DOCK4: variants seen among roughly 807,000 people sequenced by gnomAD.
The protein encoded by DOCK4 is dedicator of cytokinesis 4.
Under a neutral mutation model 268.1 loss-of-function variants are expected in DOCK4, and 97 were observed. That is an observed-to-expected ratio of 0.36 (90% CI 0.31 to 0.43). DOCK4 has a LOEUF of 0.43. Ranked by LOEUF, DOCK4 falls within the 20% of genes least tolerant of loss-of-function variation. The pLI, the probability that DOCK4 is intolerant of heterozygous loss-of-function variation, is 1.00. For synonymous variants in DOCK4, 954 were observed against 887.2 expected (o/e 1.08, Z -1.34); for missense variants, 2,145 against 2,455.7 (o/e 0.87, Z 2.67).
At chr7:112,104,697 G>T (rs993876253) in intron 1 of DOCK4, among the ~76,000 whole-genome samples, 1 of 152,106 alleles carries the variant, frequency 6.6e-6, no homozygotes, top group African/African-American at 2.4e-5. Context: ...TTAAATTTGT[G>T]CTAAGAAATA....
intron 1 of DOCK4, among the ~76,000 whole-genome samples, chr7:112,160,636 T>G (rs1018195077): frequency 6.6e-6 from 1 of 152,124 alleles, no homozygotes; most frequent in Non-Finnish European, 1.5e-5. Flanking sequence ...CCCTGGGTTA[T>G]CTCCTTAAGC....
At chr7:111,900,743 G>A (rs539247586) in intron 14 of DOCK4, among the ~76,000 whole-genome samples, 41 of 152,312 alleles carry the variant, frequency 2.7e-4, no homozygotes, top group Non-Finnish European at 4.9e-4. Flanking sequence ...AGGATTTACT[G>A]TGCCAAGGGT....
chr7:111,969,568 A>G (rs1797534339), intron 8 of DOCK4, among the ~76,000 whole-genome samples: 2 of 152,040 alleles, frequency 1.3e-5, no homozygotes, highest in South Asian at 4.1e-4. Flanking sequence ...AATCCTGCAA[A>G]GGACAGGCAT....
At chr7:111,833,299 T>G (rs1310642888) in intron 26 of DOCK4, among the ~76,000 whole-genome samples, 1 of 152,148 alleles carries the variant, frequency 6.6e-6, no homozygotes, top group East Asian at 1.9e-4. Context: ...CTGAGTACTT[T>G]AGGAGGCTGA....
At chr7:111,859,141 G>T (rs1426635393) in intron 23 of DOCK4, among the ~76,000 whole-genome samples, 1 of 152,106 alleles carries the variant, frequency 6.6e-6, no homozygotes, top group Non-Finnish European at 1.5e-5. Flanking sequence ...ACCTCAGCCT[G>T]CTGAGTAGCG....
intron 7 of DOCK4, among the ~76,000 whole-genome samples, chr7:111,982,530 C>T (rs1358258534): frequency 6.6e-6 from 1 of 152,130 alleles, no homozygotes; most frequent in East Asian, 1.9e-4. Flanking sequence ...TATTTCTTAT[C>T]TAATCTTCAT....
At chr7:111,793,501 T>C (rs1799691615) in intron 30 of DOCK4, among the ~76,000 whole-genome samples, 1 of 152,232 alleles carries the variant, frequency 6.6e-6, no homozygotes, top group African/African-American at 2.4e-5. Flanking sequence ...TTTGGGAAGT[T>C]TGGAGAATGT....
chr7:111,748,482 A>G (rs879332555), intron 42 of DOCK4, among the ~76,000 whole-genome samples: 3 of 152,306 alleles, frequency 2.0e-5, no homozygotes, highest in Non-Finnish European at 4.4e-5. Context: ...ACAAAGGAAT[A>G]CATTCAAATG....
intron 35 of DOCK4, among the ~76,000 whole-genome samples, chr7:111,781,911 T>C (rs1798808236): frequency 6.6e-6 from 1 of 152,186 alleles, no homozygotes; most frequent in Non-Finnish European, 1.5e-5. Flanking sequence ...ATATGGCATG[T>C]GAGGAACTCA....
intron 1 of DOCK4, 59 bp from the exon 2 acceptor site, chr7:112,004,190 C>T (rs1190957356): frequency 7.7e-7 from 1 of 1,305,376 alleles, no homozygotes; most frequent in South Asian, 1.3e-5. Flanking sequence ...CTTATTATTA[C>T]ATGTTATTGA....
At chr7:111,815,944 A>G (rs1303887161) in intron 27 of DOCK4, among the ~76,000 whole-genome samples, 1 of 152,078 alleles carries the variant, frequency 6.6e-6, no homozygotes, top group African/African-American at 2.4e-5. Flanking sequence ...GTGTGGCCCA[A>G]ATTACTGATT....
intron 30 of DOCK4, among the ~76,000 whole-genome samples, chr7:111,801,040 A>G (rs1486468278): frequency 6.6e-6 from 1 of 152,208 alleles, no homozygotes; most frequent in Non-Finnish European, 1.5e-5. Context: ...GAAAACTTTG[A>G]TATGCAAATG....
rs1482266945 is a variant in DOCK4 at position 111,856,123 on chromosome 7, A to G, written c.2473+7249T>C. ...GCTGCCTGTGACACACATGCTCCCC[A>G]TCCCTCTGAAAATCTGTGCAAATGT... On this transcript the variant is annotated intron_variant, in intron 23 of 52. Transcript: ENST00000428084. Among the ~76,000 whole-genome samples, 8 of 152,326 alleles carry G rather than the reference A, an allele frequency of 5.3e-5. No homozygotes were observed. In the South Asian group the frequency reaches 1.0e-3, roughly 20 times the overall value.
chr7:112,200,116 T>G (rs1313625428), intron 1 of DOCK4, among the ~76,000 whole-genome samples: 1 of 152,224 alleles, frequency 6.6e-6, no homozygotes, highest in Non-Finnish European at 1.5e-5. Flanking sequence ...TGAGTTGCAG[T>G]CCTTCTGGTA....
intron 1 of DOCK4, among the ~76,000 whole-genome samples, chr7:112,144,763 A>G (rs1488758250): frequency 1.3e-5 from 2 of 152,154 alleles, no homozygotes; most frequent in African/African-American, 4.8e-5. Context: ...CTGTAACTAC[A>G]CTCTGCACAC....
intron 1 of DOCK4, among the ~76,000 whole-genome samples, chr7:112,080,129 T>A (rs1432234448): frequency 3.9e-5 from 6 of 152,150 alleles, no homozygotes; most frequent in Admixed American, 6.5e-5. Context: ...AGTATTCTAA[T>A]TTACCTATCA....
At chr7:112,009,452 G>T (rs1252598360) in intron 1 of DOCK4, among the ~76,000 whole-genome samples, 1 of 152,176 alleles carries the variant, frequency 6.6e-6, no homozygotes, top group African/African-American at 2.4e-5. Flanking sequence ...TAAGCTGACT[G>T]CACCAGAATT....
At chr7:111,853,362 G>T in intron 23 of DOCK4, among the ~76,000 whole-genome samples, 1 of 152,182 alleles carries the variant, frequency 6.6e-6, no homozygotes, top group Non-Finnish European at 1.5e-5. Context: ...AGTACGGGGA[G>T]ATTGTAAACA....
At chr7:111,795,527 G>A (rs1799832561) in intron 30 of DOCK4, among the ~76,000 whole-genome samples, 1 of 152,170 alleles carries the variant, frequency 6.6e-6, no homozygotes, top group Non-Finnish European at 1.5e-5. Flanking sequence ...AAGGAGAGCT[G>A]GGAAACAACC....
Sources: gnomAD v4.1 joint callset for allele counts (sites outside exome capture counted in the v4.1 genomes callset) on GRCh38, gnomAD v4.1.1 for gene constraint, MANE v1.5 for transcripts, NCBI Gene and HGNC (gene_info 2026-07-23, HGNC 2026-07-21) for gene names.